MACROD2: variants seen among roughly 807,000 people sequenced by gnomAD.
MACROD2 encodes the protein mono-ADP ribosylhydrolase 2, also known as ADP-ribose glycohydrolase MACROD2.
Under a neutral mutation model 70.4 loss-of-function variants are expected in MACROD2, and 36 were observed. The observed-to-expected ratio is 0.51, with a 90% CI of 0.39 to 0.68. The LOEUF (loss-of-function observed/expected upper bound fraction) is 0.68, where lower values mean the gene tolerates loss of function less well. Ranked by LOEUF, MACROD2 falls within the 30% of genes least tolerant of loss-of-function variation. The pLI, the probability that MACROD2 is intolerant of heterozygous loss-of-function variation, is 0.00. For missense variants in MACROD2, 496 were observed against 538.4 expected (o/e 0.92, Z 0.78); for synonymous variants, 172 against 178.8 (o/e 0.96, Z 0.30).
At chr20:15,849,835 T>A (rs1299852410) in intron 8 of MACROD2, among the ~76,000 whole-genome samples, 2 of 152,092 alleles carry the variant, frequency 1.3e-5, no homozygotes, top group Non-Finnish European at 2.9e-5. Context: ...GCGCTGCATG[T>A]GTGCTGGATA....
At chr20:14,460,683 TG>T (rs1413384752) in intron 3 of MACROD2, among the ~76,000 whole-genome samples, 1 of 152,166 alleles carries the variant, frequency 6.6e-6, no homozygotes. Context: ...GATAATCATG[TG>T]GTTTTTGTCA....
At position 15,046,183 on chromosome 20, in the gene MACROD2, A is replaced by C. The variant is rs561527663; in HGVS notation, c.419-183757A>C. Among the ~76,000 whole-genome samples, 7 of 144,776 alleles carry C rather than the reference A, an allele frequency of 4.8e-5. No individual in the cohort carries two copies. The South Asian group carries it at 1.5e-3, about 30-fold the overall frequency. 95.0% of individuals were successfully genotyped at this position (144,776 alleles called of 152,430 possible). On this transcript the variant is annotated intron_variant, in intron 5 of 17. Coordinates refer to ENST00000684519, the MANE Select transcript of MACROD2 (RefSeq NM_001351661.2). ...AATGCCACATAAGGTAAAAATTAAA[A>C]AATACATATATATATATAAGAAATT... is the stretch of plus-strand genomic sequence containing the variant.
intron 5 of MACROD2, among the ~76,000 whole-genome samples, chr20:15,138,228 A>G (rs1327687517): frequency 6.6e-6 from 1 of 152,116 alleles, no homozygotes; most frequent in Admixed American, 6.6e-5. Flanking sequence ...TTTTACCCCC[A>G]CAAGAATTGA....
intron 9 of MACROD2, among the ~76,000 whole-genome samples, chr20:15,873,859 T>C (rs1244360119): frequency 2.6e-5 from 4 of 152,064 alleles, no homozygotes; most frequent in Non-Finnish European, 4.4e-5. Flanking sequence ...CAGAAAACCA[T>C]TTTATTTCTA....
rs2071090518 is a variant in MACROD2 at position 14,693,886 on chromosome 20, A to T, written c.418+8927A>T. The stretch of plus-strand genomic sequence containing the variant: ...AACCGCTTCTTAATACTGTCAGATA[A>T]GAGAGATAAATGGCTCTATTATTAT... On this transcript the variant is annotated intron_variant, in intron 5 of 17. Coordinates refer to ENST00000684519, the MANE Select transcript of MACROD2 (RefSeq NM_001351661.2). Among the ~76,000 whole-genome samples, 4 of 152,308 alleles carry T rather than the reference A, an allele frequency of 2.6e-5. No individual in the cohort carries two copies. The South Asian group carries it at 8.3e-4, about 32-fold the overall frequency.
intron 5 of MACROD2, among the ~76,000 whole-genome samples, chr20:14,864,068 G>A (rs886709763): frequency 5.9e-5 from 9 of 151,982 alleles, no homozygotes; most frequent in Non-Finnish European, 1.3e-4. Flanking sequence ...TTTTCCCTTA[G>A]GTGTCCATTT....
chr20:15,390,664 G>A (rs540054062), intron 6 of MACROD2, among the ~76,000 whole-genome samples: 25 of 151,836 alleles, frequency 1.6e-4, no homozygotes, highest in Non-Finnish European at 3.1e-4. Context: ...CCATTTTGGG[G>A]GGAAAATAAA....
intron 8 of MACROD2, among the ~76,000 whole-genome samples, chr20:15,837,429 G>A (rs573453638): frequency 8.5e-5 from 13 of 152,070 alleles, no homozygotes; most frequent in East Asian, 1.9e-4. Flanking sequence ...CTACAGACTC[G>A]TATCTACCTC....
intron 3 of MACROD2, among the ~76,000 whole-genome samples, chr20:14,486,231 G>A (rs999918876): frequency 2.6e-5 from 4 of 152,132 alleles, no homozygotes; most frequent in African/African-American, 9.7e-5. Flanking sequence ...AAGTCATGTT[G>A]TAAAGAACCT....
intron 5 of MACROD2, among the ~76,000 whole-genome samples, chr20:14,883,221 A>T (rs990906772): frequency 6.6e-6 from 1 of 152,200 alleles, no homozygotes; most frequent in Non-Finnish European, 1.5e-5. Flanking sequence ...GGTAATTAAT[A>T]GCCTGAATGG....
At chr20:14,352,772 A>G (rs2083135427) in intron 3 of MACROD2, among the ~76,000 whole-genome samples, 1 of 151,020 alleles carries the variant, frequency 6.6e-6, no homozygotes, top group African/African-American at 2.4e-5. Context: ...AACTTTTTCT[A>G]TGTGATCCAT....
chr20:14,181,406 T>C (rs2081303994), intron 3 of MACROD2, among the ~76,000 whole-genome samples: 1 of 151,828 alleles, frequency 6.6e-6, no homozygotes, highest in African/African-American at 2.4e-5. Flanking sequence ...CACAATAGAG[T>C]GACGAAAATG....
rs11467676 is a variant in MACROD2 at position 14,228,338 on chromosome 20, C to CT, written c.271+142627dup. Among the ~76,000 whole-genome samples, 735 of 143,660 alleles carry CT rather than the reference C, an allele frequency of 5.1e-3. 9 individuals carry two copies. Among genetic ancestry groups the CT allele is most frequent in the South Asian group, 0.011 (49 of 4,506 alleles). 94.2% of individuals were successfully genotyped at this position (143,660 alleles called of 152,430 possible). On this transcript the variant is annotated intron_variant, in intron 3 of 17. Transcript: ENST00000684519. Reference sequence around the variant, plus strand: ...TAAGGAAATGGTCATAAATATTTTTCTTTTTTTTTTTTTTTTTGAGATGGA... The same window carrying CT: ...TAAGGAAATGGTCATAAATATTTTTCTTTTTTTTTTTTTTTTTTGAGATGGA...
chr20:15,816,185 A>G (rs2063872493), intron 8 of MACROD2, among the ~76,000 whole-genome samples: 1 of 152,128 alleles, frequency 6.6e-6, no homozygotes, highest in African/African-American at 2.4e-5. Flanking sequence ...GAGTGAGAAG[A>G]GTTCATGGTA....
At chr20:14,166,349 T>C (rs2055270346) in intron 3 of MACROD2, among the ~76,000 whole-genome samples, 1 of 152,044 alleles carries the variant, frequency 6.6e-6, no homozygotes, top group African/African-American at 2.4e-5. Context: ...GTGTGTTGTG[T>C]GTGTGTGTTA....
intron 6 of MACROD2, among the ~76,000 whole-genome samples, chr20:15,255,774 C>G (rs1270410524): frequency 1.3e-5 from 2 of 152,046 alleles, no homozygotes; most frequent in East Asian, 3.9e-4. Flanking sequence ...GCAGGTATGT[C>G]TGATCCCAGG....
At chr20:14,354,063 T>G (rs140350838) in intron 3 of MACROD2, among the ~76,000 whole-genome samples, 9 of 152,328 alleles carry the variant, frequency 5.9e-5, no homozygotes, top group Non-Finnish European at 1.3e-4. Flanking sequence ...TCAGGATTTT[T>G]GTTTGTTTTA....
At chr20:14,015,431 A>G (rs1252287625) in intron 2 of MACROD2, among the ~76,000 whole-genome samples, 2 of 152,108 alleles carry the variant, frequency 1.3e-5, no homozygotes, top group African/African-American at 2.4e-5. Flanking sequence ...TGAACATTCA[A>G]AAAAAACTGG....
At chr20:14,534,844 C>T (rs951616747) in intron 4 of MACROD2, among the ~76,000 whole-genome samples, 1 of 151,542 alleles carries the variant, frequency 6.6e-6, no homozygotes, top group African/African-American at 2.4e-5. Flanking sequence ...TTTCAAGGGG[C>T]TTAACATTAA....
Sources: allele counts gnomAD v4.1 joint callset (sites outside exome capture counted in the v4.1 genomes callset), GRCh38; gene constraint gnomAD v4.1.1; transcripts MANE v1.5; gene names NCBI Gene and HGNC (gene_info 2026-07-23, HGNC 2026-07-21).